RPS24: variants seen among roughly 807,000 people sequenced by gnomAD.
The protein encoded by RPS24 is ribosomal protein S24, also known as small ribosomal subunit protein eS24.
For missense variants in RPS24, 100 were observed against 162.5 expected, an observed-to-expected ratio of 0.62 and a Z score of 2.09; for synonymous variants, 72 against 55.6, an observed-to-expected ratio of 1.30 and a Z score of -1.31.
downstream of RPS24, chr10:78,040,789 C>A: frequency 2.2e-6 from 2 of 890,214 alleles, no homozygotes; most frequent in Admixed American, 4.3e-5. Flanking sequence ...TTCACATGCT[C>A]CATGAAGCAT....
intron 1 of RPS24, chr10:78,034,115 G>C (rs939005698): frequency 9.2e-5 from 55 of 600,212 alleles, no homozygotes; most frequent in Non-Finnish European, 1.2e-5. Context: ...TGGGCTTCGG[G>C]CTCCAGCGCC....
chr10:78,035,579 A>G lies in RPS24; in HGVS notation c.138A>G (p.Lys46=). 3 of 1,614,038 alleles carry G rather than the reference A, an allele frequency of 1.9e-6. No homozygotes were observed. Among genetic ancestry groups the G allele is most frequent in the South Asian group, 1.1e-5 (1 of 91,086 alleles). The change falls in exon 3 of 6, where the codon AAA becomes AAG. Residue 46 remains lysine (K), a synonymous_variant. Transcript: ENST00000372360. The part of the protein sequence containing the change: ...PKTEIREKLA[K]MYKTTPDVIF... ...CAGAAATTCGGGAAAAACTAGCCAA[A>G]ATGTACAAGACCACACCGGATGTCA...
intron 4 of RPS24, among the ~76,000 whole-genome samples, chr10:78,050,660 G>C (rs1220979508): frequency 2.0e-5 from 3 of 152,190 alleles, no homozygotes; most frequent in Non-Finnish European, 4.4e-5. Context: ...ACCCAGCCTG[G>C]AGTGCAGTGA....
At position 78,054,907 on chromosome 10, in the gene RPS24, C is replaced by T. The variant is rs890917869; in HGVS notation, c.767C>T (p.Pro256Leu). Residue 256 changes from proline to leucine, a missense_variant, in exon 5 of 5, where the codon CCC becomes CTC. Transcript: ENST00000440692. ...TTGTCAGCAACCTTGACTCTGTCAC[C>T]CCACATCCAGGCCATCAACAAGTCT... 1.8e-5 allele frequency: 28 copies of T among 1,534,604 alleles called. No individual in the cohort carries two copies. The Admixed American group carries it at 2.6e-4, about 14-fold the overall frequency.
At chr10:78,046,229 G>A (rs1268236469) in intron 4 of RPS24, among the ~76,000 whole-genome samples, 1 of 151,962 alleles carries the variant, frequency 6.6e-6, no homozygotes, top group African/African-American at 2.4e-5. Flanking sequence ...CTGCCCTCAA[G>A]AAGCTGGCAG....
At chr10:78,049,631 A>G (rs1388078600) in intron 4 of RPS24, among the ~76,000 whole-genome samples, 1 of 152,132 alleles carries the variant, frequency 6.6e-6, no homozygotes, top group East Asian at 1.9e-4. Context: ...TGGGGCTGGG[A>G]CTGGGTGAGG....
At chr10:78,043,969 CT>C (rs1848015449), downstream of RPS24, among the ~76,000 whole-genome samples, 1 of 152,212 alleles carries the variant, frequency 6.6e-6, no homozygotes, top group South Asian at 2.1e-4. Context: ...CTCCCTCTCC[CT>C]TCCACATAGG....
At chr10:78,042,400 G>T (rs1847995758), downstream of RPS24, among the ~76,000 whole-genome samples, 1 of 152,216 alleles carries the variant, frequency 6.6e-6, no homozygotes, top group Non-Finnish European at 1.5e-5. Context: ...AAGGGTATCT[G>T]CTAGCTACCC....
At chr10:78,052,451 A>G (rs1318800834) in intron 4 of RPS24, among the ~76,000 whole-genome samples, 1 of 152,062 alleles carries the variant, frequency 6.6e-6, no homozygotes, top group African/African-American at 2.4e-5. Context: ...TGTATATATT[A>G]CCTTTTGTCC....
At chr10:78,053,451 A>G (rs1055103660) in intron 4 of RPS24, among the ~76,000 whole-genome samples, 1 of 152,172 alleles carries the variant, frequency 6.6e-6, no homozygotes, top group African/African-American at 2.4e-5. Context: ...CAGATTCATC[A>G]TGTCTCACCC....
Position 78,040,312 on chromosome 10 carries a change from G to A in RPS24, c.*19+87G>A, listed in dbSNP as rs1847965952. On this transcript the variant is annotated intron_variant, in intron 5 of 5. Coordinates refer to ENST00000372360, the MANE Select transcript of RPS24 (RefSeq NM_033022.4). ...GCAATTTAAAAGCAGATCATGTGTA[G>A]TACATCTAGAAGTAGATTTACAAAT... 2.8e-6 allele frequency: 3 copies of A among 1,069,168 alleles called. No homozygotes were observed. The Admixed American group carries it at 5.2e-5, about 18-fold the overall frequency. The allele number at this position is 1,069,168 out of a possible 1,614,324, so 66.2% of individuals were successfully genotyped here.
At chr10:78,041,577 A>T (rs1406268174), downstream of RPS24, among the ~76,000 whole-genome samples, 1 of 152,210 alleles carries the variant, frequency 6.6e-6, no homozygotes, top group African/African-American at 2.4e-5. Context: ...AACAGTGCAT[A>T]CCAGGCTGAA....
intron 4 of RPS24, among the ~76,000 whole-genome samples, chr10:78,050,256 G>C (rs1437462026): frequency 6.6e-6 from 1 of 151,874 alleles, no homozygotes; most frequent in Non-Finnish European, 1.5e-5. Flanking sequence ...CCAAACTTCC[G>C]GCCAGATTAG....
chr10:78,045,284 G>A (rs917259775), downstream of RPS24, among the ~76,000 whole-genome samples: 9 of 152,102 alleles, frequency 5.9e-5, no homozygotes, highest in Middle Eastern at 3.2e-3. Flanking sequence ...ACCGCGCCTG[G>A]CCCCAAGTAT....
chr10:78,047,928 T>G (rs889731838), intron 4 of RPS24, among the ~76,000 whole-genome samples: 11 of 152,222 alleles, frequency 7.2e-5, no homozygotes, highest in African/African-American at 2.2e-4. Flanking sequence ...AAGCCTTAGC[T>G]CTGCCCCACC....
chr10:78,041,021 C>T (rs559781639), downstream of RPS24, among the ~76,000 whole-genome samples: 29 of 150,238 alleles, frequency 1.9e-4, no homozygotes, highest in East Asian at 3.1e-3. Context: ...TTTTTTTTTT[C>T]GAGACAGGGT....
rs1387016206 is a variant in RPS24 at position 78,035,556 on chromosome 10, G to A, written c.115G>A (p.Glu39Lys). 6.2e-7 allele frequency: 1 copy of A among 1,614,020 alleles called. No individual in the cohort carries two copies. Among genetic ancestry groups the A allele is most frequent in the Admixed American group, 1.7e-5 (1 of 59,996 alleles). The change falls in exon 3 of 6, where the codon GAA (glutamate) becomes AAA (lysine). Residue 39 changes from glutamate to lysine, a missense_variant. By Grantham distance (56) the Glu-to-Lys change is moderately conservative. Transcript: ENST00000372360. ...HPGKATVPKT[E>K]IREKLAKMYK... Reference sequence around the variant, plus strand: ...CGGGAAGGCGACAGTGCCTAAGACAGAAATTCGGGAAAAACTAGCCAAAAT... The same window carrying A: ...CGGGAAGGCGACAGTGCCTAAGACAAAAATTCGGGAAAAACTAGCCAAAAT...
chr10:78,042,513 ACT>A (rs1847997006), downstream of RPS24, among the ~76,000 whole-genome samples: 1 of 152,288 alleles, frequency 6.6e-6, no homozygotes, highest in South Asian at 2.1e-4. Flanking sequence ...ACTTGTGGGA[ACT>A]CAAACTGTGG....
At chr10:78,048,263 A>G (rs1848065097) in intron 4 of RPS24, among the ~76,000 whole-genome samples, 1 of 152,232 alleles carries the variant, frequency 6.6e-6, no homozygotes, top group Non-Finnish European at 1.5e-5. Flanking sequence ...ATTTGCTTTT[A>G]TAGGTTTCTA....
Sources: allele counts gnomAD v4.1 joint callset (sites outside exome capture counted in the v4.1 genomes callset), GRCh38; gene constraint gnomAD v4.1.1; transcripts MANE v1.5; gene names NCBI Gene and HGNC (gene_info 2026-07-23, HGNC 2026-07-21).